SERPINB2: variants seen among roughly 807,000 people sequenced by gnomAD.
SERPINB2 encodes serpin family B member 2.
SERPINB2 carries 28 observed loss-of-function variants against 39.4 expected under a neutral mutation model. That is an observed-to-expected ratio of 0.71 (90% CI 0.53 to 0.97). SERPINB2 has a LOEUF of 0.97. SERPINB2 is among the 50% of genes least tolerant of loss of function. SERPINB2 has a pLI of 0.00. For synonymous variants in SERPINB2, 209 were observed against 175.1 expected (o/e 1.19, Z -1.53); for missense variants, 557 against 505.3 (o/e 1.10, Z -0.98).
rs12102 is a variant in SERPINB2, at chr18:63,903,748, G to A, written c.*443G>A. ...AGTAGGTATCCCTCCATGCCCTTCT[G>A]TAATAAATATCTGGAAAAAACATTA... On this transcript the variant is annotated 3_prime_UTR_variant, in exon 8 of 8. Coordinates refer to ENST00000299502, the MANE Select transcript of SERPINB2 (RefSeq NM_002575.3). The A allele has an allele frequency of 0.29, 43,592 of 152,248 alleles. 6,843 individuals carry two copies. The highest frequency in any genetic ancestry group is 0.48 in the East Asian group (2,476 of 5,156). 9.4% of individuals were successfully genotyped at this position (152,248 alleles called of 1,614,324 possible). A position where few individuals can be genotyped will look rare whatever the true frequency, so the allele number is the denominator to read the frequency against.
At chr18:63,888,748 A>C (rs1187179046) in intron 1 of SERPINB2, among the ~76,000 whole-genome samples, 1 of 152,218 alleles carries the variant, frequency 6.6e-6, no homozygotes, top group African/African-American at 2.4e-5. Context: ...CCAACCCTGC[A>C]TATTACTCCC....
chr18:63,891,332 A>T, intron 1 of SERPINB2, 104 bp from the exon 2 acceptor site: 2 of 1,136,344 alleles, frequency 1.8e-6, no homozygotes, highest in Non-Finnish European at 2.6e-6. Context: ...CAGACAGGGA[A>T]TCTGTCCCTA....
intron 2 of SERPINB2, among the ~76,000 whole-genome samples, chr18:63,893,863 G>A (rs528073435): frequency 5.9e-5 from 9 of 152,112 alleles, no homozygotes; most frequent in Non-Finnish European, 1.2e-4. Flanking sequence ...GATGATTACC[G>A]TACTCATTTT....
At chr18:63,891,391 C>T in intron 1 of SERPINB2, 45 bp from the exon 2 acceptor site, 1 of 1,602,962 alleles carries the variant, frequency 6.2e-7, no homozygotes, top group Admixed American at 1.7e-5. Context: ...CAAAATGTTA[C>T]CTTATGTTTC....
intron 5 of SERPINB2, among the ~76,000 whole-genome samples, chr18:63,900,736 C>T (rs2049986485): frequency 6.6e-6 from 1 of 152,068 alleles, no homozygotes; most frequent in African/African-American, 2.4e-5. Context: ...TCCCTGGTCC[C>T]CATTTTAGCT....
At chr18:63,898,891 G>T (rs980498799) in intron 5 of SERPINB2, among the ~76,000 whole-genome samples, 1 of 152,210 alleles carries the variant, frequency 6.6e-6, no homozygotes, top group African/African-American at 2.4e-5. Context: ...AGTGTGGAGG[G>T]CCAAGGGAAG....
chr18:63,901,151 A>G (rs2049988625), intron 5 of SERPINB2, among the ~76,000 whole-genome samples: 1 of 152,058 alleles, frequency 6.6e-6, no homozygotes, highest in Non-Finnish European at 1.5e-5. Context: ...ATAGTACTCA[A>G]TATATTATTT....
chr18:63,903,422 C>T lies in SERPINB2; in HGVS notation c.*117C>T. On this transcript the variant is annotated 3_prime_UTR_variant, in exon 8 of 8. Transcript: ENST00000299502. ...TTCTACATATTTCTGCTCTTCTGAA[C>T]AACTTCTGCTACCCACTAAATAAAA... 1.0e-6 allele frequency: 1 copy of T among 959,654 alleles called. No individual in the cohort carries two copies. Among genetic ancestry groups the T allele is most frequent in the South Asian group, 2.5e-5 (1 of 40,254 alleles). 59.4% of individuals were successfully genotyped at this position (959,654 alleles called of 1,614,324 possible). A position where few individuals can be genotyped will look rare whatever the true frequency, so the allele number is the denominator to read the frequency against.
At chr18:63,900,438 G>A (rs532286373) in intron 5 of SERPINB2, among the ~76,000 whole-genome samples, 34 of 152,172 alleles carry the variant, frequency 2.2e-4, no homozygotes, top group Non-Finnish European at 3.5e-4. Context: ...TGGAGGTAGG[G>A]TAGAAGAAAA....
chr18:63,891,733 G>A (rs2144695583), intron 2 of SERPINB2, 121 bp downstream of exon 2: 1 of 961,172 alleles, frequency 1.0e-6, no homozygotes, highest in Non-Finnish European at 1.5e-6. Context: ...CACAGGTAAT[G>A]AAGCACTGAT....
At chr18:63,892,264 G>T (rs1449241061) in intron 2 of SERPINB2, among the ~76,000 whole-genome samples, 1 of 152,202 alleles carries the variant, frequency 6.6e-6, no homozygotes, top group Non-Finnish European at 1.5e-5. Flanking sequence ...AGGTAGATGG[G>T]ATGCACAACA....
chr18:63,891,808 G>A (rs993586439), intron 2 of SERPINB2, among the ~76,000 whole-genome samples, 196 bp downstream of exon 2: 16 of 152,222 alleles, frequency 1.1e-4, no homozygotes, highest in Admixed American at 6.5e-5. Context: ...TCCCTCAACT[G>A]TAGCTGTTGA....
At chr18:63,891,644 C>T (rs6093) in intron 2 of SERPINB2, 32 bp downstream of exon 2, 380,373 of 1,592,678 alleles carry the variant, frequency 0.24, 47,833 homozygotes, top group East Asian at 0.41. Flanking sequence ...ACATTTGGGC[C>T]GAGTAGTTCC....
At position 63,902,575 on chromosome 18, in the gene SERPINB2, C is replaced by T. The variant is rs756215921; in HGVS notation, c.843+7C>T. 1 of 1,592,096 alleles carries T rather than the reference C, an allele frequency of 6.3e-7. No individual in the cohort carries two copies. The highest frequency in any genetic ancestry group is 1.1e-5 in the South Asian group (1 of 89,522). ...GTCCACTGGCTTGGAGCTGGTAAGA[C>T]ATTCAGATATTTAAGTTTCTGGGGC... On this transcript the variant is annotated splice_region_variant and intron_variant, in intron 7 of 7. Coordinates refer to ENST00000299502, the MANE Select transcript of SERPINB2 (RefSeq NM_002575.3).
At chr18:63,899,857 T>C (rs1370249115) in intron 5 of SERPINB2, among the ~76,000 whole-genome samples, 1 of 152,226 alleles carries the variant, frequency 6.6e-6, no homozygotes, top group Non-Finnish European at 1.5e-5. Context: ...CTAAGTGCTA[T>C]GGGATTTCAA....
intron 2 of SERPINB2, among the ~76,000 whole-genome samples, chr18:63,893,586 C>T (rs73476002): frequency 2.9e-4 from 44 of 152,220 alleles, no homozygotes; most frequent in Middle Eastern, 3.4e-3. Context: ...TGGGGACAGA[C>T]GTATCTGTGT....
At chr18:63,893,448 G>T (rs2049939727) in intron 2 of SERPINB2, among the ~76,000 whole-genome samples, 1 of 147,878 alleles carries the variant, frequency 6.8e-6, no homozygotes, top group East Asian at 2.0e-4. Context: ...TTTTTTTTGA[G>T]ACTCTATATA....
chr18:63,897,320 G>A (rs2049966320), intron 4 of SERPINB2, 101 bp downstream of exon 4: 14 of 1,405,318 alleles, frequency 1.0e-5, no homozygotes, highest in African/African-American at 1.5e-5. Flanking sequence ...AAGCAGAGTT[G>A]GAATTCCACA....
chr18:63,894,990 G>GT (rs144193829), intron 2 of SERPINB2, among the ~76,000 whole-genome samples: 8 of 152,152 alleles, frequency 5.3e-5, no homozygotes, highest in East Asian at 3.9e-4. Context: ...TGGGGAAGAG[G>GT]TTTTAAATCA....
Sources: gnomAD v4.1 joint callset for allele counts (sites outside exome capture counted in the v4.1 genomes callset) on GRCh38, gnomAD v4.1.1 for gene constraint, MANE v1.5 for transcripts, NCBI Gene and HGNC (gene_info 2026-07-23, HGNC 2026-07-21) for gene names.